The following HSD17B14 variants were observed in gnomAD, a reference collection of about 807,000 sequenced individuals.
HSD17B14 encodes the protein L-fucose dehydrogenase.
In HSD17B14, 32 loss-of-function variants were observed where a neutral mutation model predicts 32.2. The ratio of observed to expected loss-of-function variants is 0.99; its 90% CI spans 0.75 to 1.33. The LOEUF (loss-of-function observed/expected upper bound fraction) is 1.33. HSD17B14 is among the 40% of genes most tolerant of loss of function. HSD17B14 has a pLI of 0.00. For synonymous variants in HSD17B14, 140 were observed against 155.4 expected, an observed-to-expected ratio of 0.90 and a Z score of 0.74; for missense variants, 370 against 366.5, an observed-to-expected ratio of 1.01 and a Z score of -0.08.
At chr19:48,832,812 G>T in intron 3 of HSD17B14, 80 bp from the exon 4 acceptor site, 1 of 1,227,644 alleles carries the variant, frequency 8.1e-7, no homozygotes, top group East Asian at 2.4e-5. Context: ...GGAGTGCATT[G>T]GCACGATCTT....
chr19:48,822,337 G>GATGGTGGTGATGATGGTGGCA (rs1416599973), intron 5 of HSD17B14, among the ~76,000 whole-genome samples: 1 of 74,396 alleles, frequency 1.3e-5, no homozygotes, highest in Non-Finnish European at 2.9e-5. Flanking sequence ...TGATGGTGAT[G>GATGGTGGTGATGATGGTGGCA]ATGGTGGTGA....
Position 48,813,307 on chromosome 19 carries a change from C to T in HSD17B14, c.681G>A (p.Ala227=), listed in dbSNP as rs762325773. ...RMGQPAEVGA[A]AVFLASEANF... is the part of the protein sequence containing the mutation. ...TGGCTTCGGAGGCCAGGAACACTGC[C>T]GCAGCCCCGACCTCAGCGGGCTGGC... is the stretch of plus-strand genomic sequence containing the variant. The change falls in exon 9 of 9, where the codon GCG becomes GCA. Residue 227 remains alanine, a synonymous_variant. Transcript: ENST00000263278. The T allele has an allele frequency of 5.5e-5, 88 of 1,598,202 alleles. No homozygotes were observed. Among genetic ancestry groups the T allele is most frequent in the South Asian group, 5.3e-4 (47 of 88,762 alleles).
chr19:48,817,965 C>T (rs1349242529), intron 5 of HSD17B14, among the ~76,000 whole-genome samples: 4 of 152,170 alleles, frequency 2.6e-5, no homozygotes, highest in Non-Finnish European at 5.9e-5. Context: ...TGCTGCTGGA[C>T]AGGCTGAGAC....
chr19:48,813,224 C>T lies in HSD17B14; in HGVS notation c.764G>A (p.Cys255Tyr). 6.2e-7 allele frequency: 1 copy of T among 1,611,322 alleles called. No individual in the cohort carries two copies. The highest frequency in any genetic ancestry group is 8.5e-7 in the Non-Finnish European group (1 of 1,179,110). The change falls in exon 9 of 9, where the codon TGC becomes TAC. Residue 255 changes from cysteine (C) to tyrosine (Y), a missense_variant. Cys to Tyr is a radical substitution (Grantham distance 194). Transcript: ENST00000263278. ...VTGGAELGYG[C>Y]KASRSTPVDA... Reference sequence around the variant, plus strand: ...CACGGGGGTGCTCCGACTGGCCTTGCACCCGTACCCCAGCTCTGCACCCCC... The same window carrying T: ...CACGGGGGTGCTCCGACTGGCCTTGTACCCGTACCCCAGCTCTGCACCCCC...
intron 2 of HSD17B14, 62 bp downstream of exon 2, chr19:48,835,743 G>C: frequency 1.3e-6 from 2 of 1,551,716 alleles, no homozygotes; most frequent in Non-Finnish European, 8.9e-7. Flanking sequence ...GGTGCTAGGG[G>C]TCTGGACCTC....
rs2034986334 is a variant in HSD17B14 at position 48,813,050 on chromosome 19, C to T, written c.*125G>A. ...TGCAAATCGTTTTTATGGGAACCTG[C>T]AGGGTGACCCGGCACCTTGCTAACT... On this transcript the variant is annotated 3_prime_UTR_variant, in exon 9 of 9. Transcript: ENST00000263278. 3.4e-6 allele frequency: 2 copies of T among 590,426 alleles called. No homozygotes were observed. Among genetic ancestry groups the T allele is most frequent in the Admixed American group, 6.2e-5 (2 of 32,480 alleles). The allele number at this position is 590,426 out of a possible 1,614,324, so 36.6% of individuals were successfully genotyped here. A position where few individuals can be genotyped will look rare whatever the true frequency, so the allele number is the denominator to read the frequency against.
At chr19:48,834,168 G>A in intron 3 of HSD17B14, 108 bp downstream of exon 3, 1 of 868,202 alleles carries the variant, frequency 1.2e-6, no homozygotes. Context: ...GTCCAGCGGA[G>A]CCAGGAGAGG....
At chr19:48,820,745 G>A (rs1044044037) in intron 5 of HSD17B14, among the ~76,000 whole-genome samples, 3 of 151,728 alleles carry the variant, frequency 2.0e-5, no homozygotes, top group Non-Finnish European at 4.4e-5. Flanking sequence ...GCTCACATCT[G>A]TAATCCCAGC....
intron 2 of HSD17B14, among the ~76,000 whole-genome samples, chr19:48,834,702 GA>G (rs1432522067): frequency 3.2e-5 from 3 of 94,962 alleles, no homozygotes; most frequent in African/African-American, 2.0e-4. Flanking sequence ...TCTGAGGGAG[GA>G]AGGGCTGGGA....
chr19:48,832,904 C>G (rs2035370090), intron 3 of HSD17B14, among the ~76,000 whole-genome samples, 172 bp from the exon 4 acceptor site: 1 of 151,768 alleles, frequency 6.6e-6, no homozygotes, highest in Non-Finnish European at 1.5e-5. Context: ...CAGGCGACTG[C>G]CACCACGCCC....
In HSD17B14 at chr19:48,813,208, G is replaced by A; in HGVS notation, c.780C>T (p.Ser260=). 1.2e-6 allele frequency: 2 copies of A among 1,607,988 alleles called. No homozygotes were observed. The highest frequency in any genetic ancestry group is 2.2e-5 in the East Asian group (1 of 44,786). Residue 260 remains serine, a synonymous_variant, in exon 9 of 9, where the codon AGC becomes AGT. Transcript: ENST00000263278. ...GGATATCGGGGGCGTCCACGGGGGT[G>A]CTCCGACTGGCCTTGCACCCGTACC... ...ELGYGCKASR[S]TPVDAPDIPS is the part of the protein sequence containing the mutation.
chr19:48,833,478 G>A (rs950030789), intron 3 of HSD17B14, among the ~76,000 whole-genome samples: 6 of 151,992 alleles, frequency 3.9e-5, no homozygotes, highest in African/African-American at 1.2e-4. Context: ...GATCACCTGA[G>A]GTCAGGAGTT....
chr19:48,822,313 T>C (rs1450691131), intron 5 of HSD17B14, among the ~76,000 whole-genome samples: 1 of 122,980 alleles, frequency 8.1e-6, no homozygotes, highest in African/African-American at 3.2e-5. Context: ...TGGTGATGAT[T>C]GTGGCAATGA....
At chr19:48,822,389 ATGG>A (rs2035172512) in intron 5 of HSD17B14, among the ~76,000 whole-genome samples, 1 of 144,626 alleles carries the variant, frequency 6.9e-6, no homozygotes, top group East Asian at 2.2e-4. Flanking sequence ...GTTGATGGTG[ATGG>A]TGATGATTGT....
In HSD17B14 at chr19:48,834,349, C is replaced by A. The variant is rs373458804; in HGVS notation, c.137G>T (p.Gly46Val). Reference sequence around the variant, plus strand: ...AGGGAGCTCCTGCTCCAGGGCCCGGCCCCCAGACTCTGCAGGGAGAGAAGA... The same window carrying A: ...AGGGAGCTCCTGCTCCAGGGCCCGGACCCCAGACTCTGCAGGGAGAGAAGA... ...VVICDKDESGGRALEQELPGA... is the reference protein window; with the variant it reads ...VVICDKDESGVRALEQELPGA... The change falls in exon 3 of 9, where the codon GGC (glycine) becomes GTC (valine). Residue 46 changes from glycine (G) to valine (V), a missense_variant. Physicochemically the swap from Gly to Val is moderately radical, Grantham distance 109. Transcript: ENST00000263278. The A allele has an allele frequency of 4.3e-6, 7 of 1,612,010 alleles. No individual in the cohort carries two copies. Among genetic ancestry groups the A allele is most frequent in the Admixed American group, 1.7e-5 (1 of 59,928 alleles).
intron 5 of HSD17B14, among the ~76,000 whole-genome samples, chr19:48,827,426 G>A (rs946188316): frequency 2.0e-5 from 3 of 152,080 alleles, no homozygotes; most frequent in Non-Finnish European, 2.9e-5. Context: ...ACTATTTGTT[G>A]AGTTAATTAA....
intron 4 of HSD17B14, among the ~76,000 whole-genome samples, chr19:48,832,079 G>GAAAAAAAAA (rs71294393): frequency 1.7e-5 from 1 of 60,088 alleles, no homozygotes; most frequent in Non-Finnish European, 3.0e-5. Flanking sequence ...CCCCATCTCA[G>GAAAAAAAAA]AAAAAAAAAA....
Position 48,836,330 on chromosome 19 carries a change from C to A in HSD17B14, c.82G>T (p.Ala28Ser), listed in dbSNP as rs770842101. 6.2e-7 allele frequency: 1 copy of A among 1,613,768 alleles called. No homozygotes were observed. Among genetic ancestry groups the A allele is most frequent in the Non-Finnish European group, 8.5e-7 (1 of 1,179,896 alleles). The change falls in exon 1 of 9, where the codon GCC (alanine) becomes TCC (serine). Residue 28 changes from alanine to serine, a missense_variant. Transcript: ENST00000263278. Reference sequence around the variant, plus strand: ...GCAGTCAGACCCGGCTCACCGAAGGCGCGCACGATCCCAGCTCCGATGCCG... The same window carrying A: ...GCAGTCAGACCCGGCTCACCGAAGGAGCGCACGATCCCAGCTCCGATGCCG... ...GRGIGAGIVR[A>S]FVNSGARVVI...
chr19:48,827,662 C>A (rs115005996), intron 5 of HSD17B14, among the ~76,000 whole-genome samples: 3,066 of 151,410 alleles, frequency 0.02, 116 homozygotes, highest in African/African-American at 0.07. Flanking sequence ...CTCAGCCTCA[C>A]GAGGAATTGG....
Sources: gnomAD v4.1 joint callset for allele counts (sites outside exome capture counted in the v4.1 genomes callset) on GRCh38, gnomAD v4.1.1 for gene constraint, MANE v1.5 for transcripts, NCBI Gene and HGNC (gene_info 2026-07-23, HGNC 2026-07-21) for gene names.